ZNF808: variants seen among roughly 807,000 people sequenced by gnomAD.
ZNF808 encodes zinc finger protein 808.
ZNF808 carries 5 observed loss-of-function variants against 8.7 expected under a neutral mutation model. The ratio of observed to expected loss-of-function variants is 0.58; its 90% confidence interval spans 0.30 to 1.21. The LOEUF (loss-of-function observed/expected upper bound fraction) is 1.21. Ranked by LOEUF, ZNF808 falls within the 50% of genes most tolerant of loss-of-function variation. ZNF808 has a pLI of 0.07. For synonymous variants in ZNF808, 380 were observed against 366.0 expected, an observed-to-expected ratio of 1.04 and a Z score of -0.44; for missense variants, 1,103 against 1,098.4, an observed-to-expected ratio of 1.00 and a Z score of -0.06.
intron 2 of ZNF808, among the ~76,000 whole-genome samples, chr19:52,537,328 CAA>C (rs1234441890): frequency 1.3e-5 from 2 of 151,886 alleles, no homozygotes; most frequent in South Asian, 2.1e-4. Flanking sequence ...GAAAAGAAAA[CAA>C]GAGCTAGAGA....
intron 2 of ZNF808, among the ~76,000 whole-genome samples, chr19:52,538,418 T>A (rs1322798932): frequency 1.3e-5 from 2 of 151,492 alleles, no homozygotes; most frequent in East Asian, 3.9e-4. Flanking sequence ...TCTTGGCTAA[T>A]GACTCTCTGT....
chr19:52,558,017 C>CTTT (rs66789100), downstream of ZNF808, among the ~76,000 whole-genome samples: 1,168 of 46,350 alleles, frequency 0.025, 157 homozygotes, highest in Non-Finnish European at 0.029. Flanking sequence ...CTAGGTGTGG[C>CTTT]TTTTTTTTTT....
chr19:52,545,336 C>T (rs905624382), intron 3 of ZNF808, among the ~76,000 whole-genome samples: 11 of 152,120 alleles, frequency 7.2e-5, no homozygotes, highest in African/African-American at 2.7e-4. Context: ...TGGGTAACGC[C>T]ATGATGTGAT....
At chr19:52,565,285 TAAA>T (rs1307694451), downstream of ZNF808, among the ~76,000 whole-genome samples, 16 of 151,610 alleles carry the variant, frequency 1.1e-4, no homozygotes, top group Admixed American at 5.3e-4. Flanking sequence ...TCTGAAAAAA[TAAA>T]AAACAATATC....
In ZNF808 at chr19:52,543,267, A is replaced by T. The variant is rs770372288; in HGVS notation, c.-18A>T. ...AGTCTTATTTTTTTTCACATACAGG[A>T]TTGATTTCTAAAGACTCATGTTACG... On this transcript the variant is annotated splice_region_variant and 5_prime_UTR_variant, in exon 3 of 5. Coordinates refer to ENST00000359798, the MANE Select transcript of ZNF808 (RefSeq NM_001039886.4). 2 of 1,612,976 alleles carry T rather than the reference A, an allele frequency of 1.2e-6. No homozygotes were observed. The highest frequency in any genetic ancestry group is 3.3e-5 in the Admixed American group (2 of 59,824).
At chr19:52,542,469 TGACAAG>T (rs1555765502) in intron 2 of ZNF808, among the ~76,000 whole-genome samples, 2 of 69,414 alleles carry the variant, frequency 2.9e-5, no homozygotes. Flanking sequence ...CAGCTGCAAG[TGACAAG>T]CAGCCTTTCT....
downstream of ZNF808, among the ~76,000 whole-genome samples, chr19:52,568,289 G>A (rs142463862): frequency 3.9e-3 from 587 of 152,318 alleles, 3 homozygotes; most frequent in African/African-American, 0.013. Context: ...CAGGAGAACT[G>A]CTTGAACCCA....
chr19:52,538,979 C>G (rs2059641164), intron 2 of ZNF808, among the ~76,000 whole-genome samples: 1 of 152,024 alleles, frequency 6.6e-6, no homozygotes, highest in African/African-American at 2.4e-5. Context: ...TCTGCAACCC[C>G]TCTTCAGCCA....
chr19:52,529,826 TC>T (rs1168564436), intron 1 of ZNF808, among the ~76,000 whole-genome samples: 2 of 151,778 alleles, frequency 1.3e-5, no homozygotes, highest in East Asian at 3.9e-4. Flanking sequence ...ACTCAAGTGA[TC>T]CTCCTACCTC....
downstream of ZNF808, among the ~76,000 whole-genome samples, chr19:52,567,879 A>G (rs1191148588): frequency 6.6e-6 from 1 of 152,172 alleles, no homozygotes; most frequent in Non-Finnish European, 1.5e-5. Flanking sequence ...AATAACCCAG[A>G]GATGTACTTC....
At chr19:52,560,231 T>C (rs1248465284), downstream of ZNF808, among the ~76,000 whole-genome samples, 3 of 151,326 alleles carry the variant, frequency 2.0e-5, no homozygotes, top group Non-Finnish European at 2.9e-5. Context: ...GAGGCTGAGG[T>C]AAGAGAATTG....
chr19:52,561,599 G>A (rs1363829705), intron 3 of ZNF808, among the ~76,000 whole-genome samples: 1 of 151,208 alleles, frequency 6.6e-6, no homozygotes, highest in Non-Finnish European at 1.5e-5. Flanking sequence ...CCAGGCTGGA[G>A]TGCAATGGCG....
chr19:52,536,777 G>A (rs575160267), intron 2 of ZNF808, among the ~76,000 whole-genome samples: 75 of 152,252 alleles, frequency 4.9e-4, no homozygotes, highest in African/African-American at 1.7e-3. Flanking sequence ...TGGGGACAGG[G>A]GGGCGTAACA....
Position 52,543,339 on chromosome 19 carries a change from C to G in ZNF808, c.55C>G (p.Leu19Val). 3 of 1,613,190 alleles carry G rather than the reference C, an allele frequency of 1.9e-6. No homozygotes were observed. The highest frequency in any genetic ancestry group is 2.2e-5 in the East Asian group (1 of 44,878). ...KRKGKESGMA[L>V]PQGRLTFRDV... The stretch of plus-strand genomic sequence containing the variant: ...GAAAGGAAAGGAGTCAGGCATGGCT[C>G]TTCCTCAGGTGAAGTGATATTCCTC... The change falls in exon 3 of 5, where the codon CTT (leucine) becomes GTT (valine). Residue 19 changes from leucine (L) to valine (V), a missense_variant. By Grantham distance (32) the Leu-to-Val change is conservative. Transcript: ENST00000359798.
At chr19:52,547,739 G>GGTTTTTTTTTTTTTTTTT in intron 4 of ZNF808, 101 bp downstream of exon 4, 1 of 843,142 alleles carries the variant, frequency 1.2e-6, no homozygotes, top group Non-Finnish European at 1.6e-6. Context: ...ATCCATGCTG[G>GGTTTTTTTTTTTTTTTTT]TTTTTTTTTT....
At chr19:52,560,480 AC>A (rs2059852820), downstream of ZNF808, among the ~76,000 whole-genome samples, 1 of 151,948 alleles carries the variant, frequency 6.6e-6, no homozygotes, top group African/African-American at 2.4e-5. Context: ...ACATTGCTGT[AC>A]TCCTCGTAGA....
At chr19:52,529,345 A>C (rs1301628473) in intron 1 of ZNF808, among the ~76,000 whole-genome samples, 1 of 152,100 alleles carries the variant, frequency 6.6e-6, no homozygotes, top group Non-Finnish European at 1.5e-5. Flanking sequence ...TCATGCCACT[A>C]CACTGCAGCC....
intron 4 of ZNF808, among the ~76,000 whole-genome samples, chr19:52,550,446 T>G (rs1600018540): frequency 6.6e-6 from 1 of 151,948 alleles, no homozygotes; most frequent in Non-Finnish European, 1.5e-5. Flanking sequence ...GCTAGGCTGG[T>G]CTCAAACTCC....
intron 3 of ZNF808, among the ~76,000 whole-genome samples, chr19:52,561,650 C>T (rs973817635): frequency 2.6e-5 from 4 of 151,710 alleles, no homozygotes; most frequent in Non-Finnish European, 4.4e-5. Flanking sequence ...CAGGTTCAAG[C>T]GATTCTCCTG....
Sources: allele counts gnomAD v4.1 joint callset (sites outside exome capture counted in the v4.1 genomes callset), GRCh38; gene constraint gnomAD v4.1.1; transcripts MANE v1.5; gene names NCBI Gene and HGNC (gene_info 2026-07-23, HGNC 2026-07-21).